The following SPATA13 variants were observed in gnomAD, a reference collection of about 807,000 sequenced individuals.
The protein encoded by SPATA13 is spermatogenesis-associated protein 13.
A neutral mutation model predicts 104.0 loss-of-function variants in SPATA13; 50 were observed. The ratio of observed to expected loss-of-function variants is 0.48; its 90% CI spans 0.38 to 0.61. SPATA13 has a LOEUF of 0.61. SPATA13 is among the 20% of genes least tolerant of loss of function. The pLI, the probability that SPATA13 is intolerant of heterozygous loss-of-function variation, is 0.00. For missense variants in SPATA13, 1,524 were observed against 1,690.6 expected (o/e 0.90, Z 1.73); for synonymous variants, 606 against 667.5 (o/e 0.91, Z 1.42).
At chr13:23,985,459 T>C (rs1232165833) in intron 2 of SPATA13, among the ~76,000 whole-genome samples, 1 of 152,220 alleles carries the variant, frequency 6.6e-6, no homozygotes, top group Non-Finnish European at 1.5e-5. Flanking sequence ...TCCTGCATGT[T>C]CACATCACCC....
At chr13:24,147,958 T>C (rs1881986674) in intron 3 of SPATA13, among the ~76,000 whole-genome samples, 1 of 152,238 alleles carries the variant, frequency 6.6e-6, no homozygotes, top group South Asian at 2.1e-4. Flanking sequence ...AATATTCTAT[T>C]GTATGTATAC....
At chr13:24,133,303 T>C (rs4770596) in intron 3 of SPATA13, among the ~76,000 whole-genome samples, 104,640 of 152,104 alleles carry the variant, frequency 0.69, 36,721 homozygotes, top group East Asian at 0.93. Flanking sequence ...ATTAAGTTCA[T>C]CTGGTAGAGA....
intron 3 of SPATA13, among the ~76,000 whole-genome samples, chr13:24,116,738 C>T (rs1593340156): frequency 9.3e-6 from 1 of 107,398 alleles, no homozygotes; most frequent in East Asian, 4.0e-4. Flanking sequence ...TTAACTGTGT[C>T]CCCCAAAATT....
intron 3 of SPATA13, among the ~76,000 whole-genome samples, chr13:24,037,290 C>A (rs1212590129): frequency 4.6e-5 from 7 of 150,958 alleles, no homozygotes; most frequent in African/African-American, 1.7e-4. Flanking sequence ...CAACATGGCA[C>A]ATGTATACAT....
At chr13:24,082,840 AAAAAAAAAAAAAAAT>A (rs1365633248) in intron 3 of SPATA13, among the ~76,000 whole-genome samples, 4 of 150,628 alleles carry the variant, frequency 2.7e-5, no homozygotes, top group Non-Finnish European at 4.4e-5. Context: ...AAAAAAAAAA[AAAAAAAAAAAAAAAT>A]AAGATCTTTG....
chr13:24,061,039 G>A (rs137928642), intron 3 of SPATA13, among the ~76,000 whole-genome samples: 7 of 152,104 alleles, frequency 4.6e-5, no homozygotes, highest in South Asian at 4.2e-4. Flanking sequence ...ACTCTGCCCC[G>A]CACCCCCCAA....
intron 3 of SPATA13, among the ~76,000 whole-genome samples, chr13:24,042,626 A>G (rs971657008): frequency 6.6e-6 from 1 of 152,246 alleles, no homozygotes; most frequent in African/African-American, 2.4e-5. Flanking sequence ...CAGCTGGTGT[A>G]TTCATTACCA....
intron 3 of SPATA13, among the ~76,000 whole-genome samples, chr13:24,108,846 T>A (rs1880543455): frequency 6.6e-6 from 1 of 152,126 alleles, no homozygotes; most frequent in Admixed American, 6.5e-5. Flanking sequence ...TGGGCTGCAG[T>A]TTACTCTCCT....
intron 3 of SPATA13, chr13:24,123,738 A>G (rs1881120324): frequency 1.3e-6 from 2 of 1,519,652 alleles, no homozygotes; most frequent in South Asian, 2.2e-5. Context: ...CAGTGGAAAA[A>G]TAACATCTTG....
intron 4 of SPATA13, among the ~76,000 whole-genome samples, chr13:24,269,080 C>T (rs1487476106): frequency 6.6e-6 from 1 of 152,208 alleles, no homozygotes; most frequent in Admixed American, 6.5e-5. Context: ...TTTTTTGGAG[C>T]GACAGCAGCA....
intron 2 of SPATA13, among the ~76,000 whole-genome samples, chr13:24,005,889 T>G (rs879556166): frequency 1.2e-4 from 19 of 152,204 alleles, no homozygotes; most frequent in Admixed American, 1.2e-3. Flanking sequence ...AATAAAGACA[T>G]CCACCCCCTT....
chr13:24,039,452 T>G (rs142564453), intron 3 of SPATA13, among the ~76,000 whole-genome samples: 5 of 152,310 alleles, frequency 3.3e-5, no homozygotes, highest in African/African-American at 1.2e-4. Flanking sequence ...AGTTTAATCT[T>G]TAGAATGTGC....
At chr13:24,144,431 G>A (rs548055437) in intron 3 of SPATA13, among the ~76,000 whole-genome samples, 1 of 152,286 alleles carries the variant, frequency 6.6e-6, no homozygotes, top group South Asian at 2.1e-4. Context: ...CACCTTCTGT[G>A]TTCCAGGAAC....
At chr13:24,256,966 G>A (rs2760376) in intron 4 of SPATA13, among the ~76,000 whole-genome samples, 1 of 152,064 alleles carries the variant, frequency 6.6e-6, no homozygotes, top group Non-Finnish European at 1.5e-5. Flanking sequence ...AATTATCTTT[G>A]CCGCCTTTGC....
rs73168796 is a variant in SPATA13 at position 24,276,862 on chromosome 13, G to A, written c.2165-7273G>A. On this transcript the variant is annotated intron_variant, in intron 4 of 12. Transcript: ENST00000382108. ...TAGAGGTGAAGAAGGCAGCAGCACC[G>A]GCCTGTGGGTCTGGCCATTGTGAGG... Among the ~76,000 whole-genome samples the A allele has an allele frequency of 3.2e-3, 491 of 152,264 alleles. 2 individuals are homozygous for A. The highest frequency in any genetic ancestry group is 5.5e-3 in the Non-Finnish European group (374 of 68,018).
chr13:24,062,715 T>G (rs751042369), intron 3 of SPATA13, among the ~76,000 whole-genome samples: 18 of 152,086 alleles, frequency 1.2e-4, no homozygotes, highest in Non-Finnish European at 2.2e-4. Context: ...GTTGTGTGTG[T>G]GTATGTGTGT....
At chr13:24,260,789 C>T (rs928083808) in intron 4 of SPATA13, among the ~76,000 whole-genome samples, 4 of 152,298 alleles carry the variant, frequency 2.6e-5, no homozygotes, top group East Asian at 1.9e-4. Flanking sequence ...GAAATCATAG[C>T]GGATGCATAT....
At chr13:24,064,942 C>G (rs1221615577) in intron 3 of SPATA13, among the ~76,000 whole-genome samples, 1 of 150,736 alleles carries the variant, frequency 6.6e-6, no homozygotes, top group African/African-American at 2.4e-5. Flanking sequence ...CAATACTCCT[C>G]AAAGCTTCCA....
intron 3 of SPATA13, among the ~76,000 whole-genome samples, chr13:24,065,571 A>G (rs1878926995): frequency 6.7e-6 from 1 of 150,052 alleles, no homozygotes; most frequent in Non-Finnish European, 1.5e-5. Context: ...AGCAAGTAAC[A>G]TGGAATTGGA....
Sources: gnomAD v4.1 joint callset for allele counts (sites outside exome capture counted in the v4.1 genomes callset) on GRCh38, gnomAD v4.1.1 for gene constraint, MANE v1.5 for transcripts, NCBI Gene and HGNC (gene_info 2026-07-23, HGNC 2026-07-21) for gene names.